KHDRBS3: variants seen among roughly 807,000 people sequenced by gnomAD.
The protein encoded by KHDRBS3 is KH RNA binding domain containing, signal transduction associated 3, also known as KH domain-containing, RNA-binding, signal transduction-associated protein 3.
KHDRBS3 carries 23 observed loss-of-function variants against 45.6 expected under a neutral mutation model. That is an observed-to-expected ratio of 0.50 (90% CI 0.36 to 0.72). The LOEUF (loss-of-function observed/expected upper bound fraction) is 0.72. KHDRBS3 is among the 30% of genes least tolerant of loss of function. The pLI, the probability that KHDRBS3 is intolerant of heterozygous loss-of-function variation, is 0.00. For missense variants in KHDRBS3, 352 were observed against 424.8 expected (o/e 0.83, Z 1.51); for synonymous variants, 162 against 156.5 (o/e 1.04, Z -0.26).
At chr8:135,464,009 A>AT (rs1429390490) in intron 1 of KHDRBS3, among the ~76,000 whole-genome samples, 1 of 151,912 alleles carries the variant, frequency 6.6e-6, no homozygotes, top group African/African-American at 2.4e-5. Context: ...TGCCTCCTTT[A>AT]TTTTTTTCAA....
At chr8:135,585,816 A>T (rs1453739143) in intron 6 of KHDRBS3, among the ~76,000 whole-genome samples, 3 of 152,212 alleles carry the variant, frequency 2.0e-5, no homozygotes, top group Admixed American at 6.5e-5. Context: ...CATTGTAAGC[A>T]CTTAGTAAAT....
At chr8:135,553,049 C>G (rs16905404) in intron 4 of KHDRBS3, among the ~76,000 whole-genome samples, 2,099 of 152,254 alleles carry the variant, frequency 0.014, 38 homozygotes, top group African/African-American at 0.047. Context: ...TCTTGCTGTC[C>G]ATGCATATAG....
chr8:135,548,631 G>A lies in KHDRBS3; in HGVS notation c.325-123G>A. 4.0e-6 allele frequency: 3 copies of A among 747,580 alleles called. No individual in the cohort carries two copies. In the South Asian group the frequency reaches 8.0e-5, roughly 20 times the overall value. The allele number at this position is 747,580 out of a possible 1,614,324, so 46.3% of individuals were successfully genotyped here. Reference sequence around the variant, plus strand: ...TCTTTTTTAGAGTAGTGTCTACTGTGACAACCGCTTGCCAGATGGATTGTT... The same window carrying A: ...TCTTTTTTAGAGTAGTGTCTACTGTAACAACCGCTTGCCAGATGGATTGTT... On this transcript the variant is annotated intron_variant, in intron 3 of 8. Coordinates refer to ENST00000355849, the MANE Select transcript of KHDRBS3 (RefSeq NM_006558.3).
chr8:135,510,741 G>GT (rs1194727646), intron 1 of KHDRBS3, among the ~76,000 whole-genome samples: 2 of 152,094 alleles, frequency 1.3e-5, no homozygotes, highest in African/African-American at 4.8e-5. Flanking sequence ...CCAGTTGATG[G>GT]TTTTTGATTG....
intron 4 of KHDRBS3, among the ~76,000 whole-genome samples, chr8:135,655,333 G>A (rs1324673254): frequency 2.6e-5 from 4 of 152,196 alleles, no homozygotes; most frequent in Non-Finnish European, 5.9e-5. Flanking sequence ...AGGAGAAAGG[G>A]ATGAACTTGC....
chr8:135,582,006 G>A lies in KHDRBS3; in HGVS notation c.740G>A (p.Arg247Lys). The A allele has an allele frequency of 6.2e-7, 1 of 1,612,976 alleles. No homozygotes were observed. The highest frequency in any genetic ancestry group is 8.5e-7 in the Non-Finnish European group (1 of 1,179,438). Residue 247 changes from arginine to lysine, a missense_variant, in exon 6 of 9, where the codon AGA (arginine) becomes AAA (lysine). By Grantham distance (26) the Arg-to-Lys change is conservative. Transcript: ENST00000355849. ...AGAGGACTTCTCACTCCCAGAGCAA[G>A]AGGAGTCCCCCCAACTGGGTACAGA... is the stretch of plus-strand genomic sequence containing the variant. The part of the protein sequence containing the change: ...RGRGLLTPRA[R>K]GVPPTGYRPP...
intron 1 of KHDRBS3, among the ~76,000 whole-genome samples, chr8:135,484,797 G>T (rs756863741): frequency 7.9e-5 from 12 of 152,162 alleles, no homozygotes; most frequent in Admixed American, 6.5e-4. Context: ...TTCAGCCAGA[G>T]GCTCAGCCTG....
chr8:135,519,796 A>G (rs1824812831), intron 1 of KHDRBS3, among the ~76,000 whole-genome samples: 4 of 152,196 alleles, frequency 2.6e-5, no homozygotes, highest in Admixed American at 1.3e-4. Flanking sequence ...TTAATAGACA[A>G]TCATTTAGTT....
chr8:135,460,021 A>G (rs1234122191), intron 1 of KHDRBS3, among the ~76,000 whole-genome samples: 2 of 152,248 alleles, frequency 1.3e-5, no homozygotes, highest in Non-Finnish European at 2.9e-5. Flanking sequence ...CTTAAATCAC[A>G]GGCTGATATT....
chr8:135,563,658 C>A (rs1438114162), intron 5 of KHDRBS3, among the ~76,000 whole-genome samples: 1 of 152,196 alleles, frequency 6.6e-6, no homozygotes, highest in Non-Finnish European at 1.5e-5. Flanking sequence ...CATTCTTTAG[C>A]CTCTTTCTGA....
chr8:135,582,359 C>T (rs1205801036), intron 6 of KHDRBS3, among the ~76,000 whole-genome samples: 6 of 152,120 alleles, frequency 3.9e-5, no homozygotes, highest in Non-Finnish European at 2.9e-5. Context: ...CAAGCCCTTA[C>T]AGGAATTTAA....
intron 1 of KHDRBS3, among the ~76,000 whole-genome samples, chr8:135,478,777 A>G (rs1822422219): frequency 6.6e-6 from 1 of 152,260 alleles, no homozygotes; most frequent in South Asian, 2.1e-4. Context: ...TTTGACATAG[A>G]TGAAAATGAA....
intron 6 of KHDRBS3, among the ~76,000 whole-genome samples, chr8:135,600,764 C>G (rs983208243): frequency 1.3e-5 from 2 of 152,216 alleles, no homozygotes; most frequent in African/African-American, 4.8e-5. Context: ...TGGCCCTGCA[C>G]AGCCTTGGTC....
At chr8:135,585,038 A>G (rs1477145096) in intron 6 of KHDRBS3, among the ~76,000 whole-genome samples, 1 of 149,922 alleles carries the variant, frequency 6.7e-6, no homozygotes, top group Non-Finnish European at 1.5e-5. Flanking sequence ...CCTGGCCAAC[A>G]TGGTGAAACC....
chr8:135,630,345 A>G (rs1563818160), intron 7 of KHDRBS3, among the ~76,000 whole-genome samples: 1 of 152,244 alleles, frequency 6.6e-6, no homozygotes, highest in African/African-American at 2.4e-5. Flanking sequence ...GTATTTACAC[A>G]GACCTTTGTT....
intron 4 of KHDRBS3, among the ~76,000 whole-genome samples, chr8:135,550,343 C>G (rs1826526054): frequency 6.6e-6 from 1 of 152,126 alleles, no homozygotes; most frequent in African/African-American, 2.4e-5. Flanking sequence ...GGATTTTCTA[C>G]TGTTTTATTT....
chr8:135,600,530 G>T (rs953535258), intron 6 of KHDRBS3, among the ~76,000 whole-genome samples: 2 of 152,180 alleles, frequency 1.3e-5, no homozygotes, highest in Non-Finnish European at 2.9e-5. Context: ...AGATGTTAAT[G>T]CCTTCCTAGG....
chr8:135,568,491 A>G (rs1378510282), intron 5 of KHDRBS3, among the ~76,000 whole-genome samples: 5 of 152,202 alleles, frequency 3.3e-5, no homozygotes, highest in Non-Finnish European at 5.9e-5. Flanking sequence ...TTTCTGGAGG[A>G]GAAAAAGTGA....
chr8:135,563,487 G>A (rs1827262626), intron 5 of KHDRBS3, among the ~76,000 whole-genome samples: 1 of 152,138 alleles, frequency 6.6e-6, no homozygotes, highest in South Asian at 2.1e-4. Context: ...CCCCTGTCCT[G>A]GTGGAGTAGT....
Sources: allele counts gnomAD v4.1 joint callset (sites outside exome capture counted in the v4.1 genomes callset), GRCh38; gene constraint gnomAD v4.1.1; transcripts MANE v1.5; gene names NCBI Gene and HGNC (gene_info 2026-07-23, HGNC 2026-07-21).